C17orf99: variants seen among roughly 807,000 people sequenced by gnomAD.
C17orf99 encodes the protein chromosome 17 open reading frame 99.
In C17orf99, 18 loss-of-function variants were observed where a neutral mutation model predicts 22.6. The observed-to-expected ratio is 0.80, with a 90% confidence interval of 0.55 to 1.18. C17orf99 has a LOEUF of 1.18. C17orf99 is among the 50% of genes most tolerant of loss of function. C17orf99 has a pLI of 0.00. For missense variants in C17orf99, 328 were observed against 342.7 expected, an observed-to-expected ratio of 0.96 and a Z score of 0.34; for synonymous variants, 147 against 136.6, an observed-to-expected ratio of 1.08 and a Z score of -0.53.
rs72898212 is a variant in C17orf99, at chr17:78,161,190, G to A, written c.306G>A (p.Ala102=). 113,464 of 1,551,232 alleles carry A rather than the reference G, an allele frequency of 0.073. 6,502 individuals are homozygous for A. The highest frequency in any genetic ancestry group is 0.31 in the East Asian group (12,657 of 40,904). The part of the protein sequence containing the change: ...SPDLLTYFCW[A]SSTSGAHVDS... ...ACCTGCTCACCTACTTCTGCTGGGC[G>A]TCCTCCACCTCAGGTGCCCATGTGG... is the stretch of plus-strand genomic sequence containing the variant. The change falls in exon 3 of 5, where the codon GCG becomes GCA. Residue 102 remains alanine (A), a synonymous_variant. Coordinates refer to ENST00000340363, the MANE Select transcript of C17orf99 (RefSeq NM_001163075.2).
intron 2 of C17orf99, among the ~76,000 whole-genome samples, chr17:78,159,574 A>G (rs918958343): frequency 7.1e-6 from 1 of 141,482 alleles, no homozygotes; most frequent in Admixed American, 7.4e-5. Flanking sequence ...GGGAGGCGAC[A>G]GTGCAAGACT....
intron 2 of C17orf99, among the ~76,000 whole-genome samples, chr17:78,160,547 A>AAAAGAG (rs200813163): frequency 4.0e-4 from 57 of 143,544 alleles, no homozygotes; most frequent in South Asian, 2.3e-3. Context: ...AAAAAAAAAA[A>AAAAGAG]AGAGAGAGAG....
intron 2 of C17orf99, among the ~76,000 whole-genome samples, chr17:78,156,437 CA>C (rs2075526033): frequency 6.6e-6 from 1 of 151,374 alleles, no homozygotes; most frequent in African/African-American, 2.4e-5. Flanking sequence ...GATTTGCTTC[CA>C]AAACAGAGAA....
intron 2 of C17orf99, among the ~76,000 whole-genome samples, chr17:78,153,804 A>T (rs1017072465): frequency 6.6e-6 from 1 of 151,978 alleles, no homozygotes; most frequent in Non-Finnish European, 1.5e-5. Flanking sequence ...CAGCAGAGGC[A>T]TCTGCAAGAG....
chr17:78,157,625 C>A, intron 2 of C17orf99: 1 of 469,516 alleles, frequency 2.1e-6, no homozygotes, highest in Non-Finnish European at 3.7e-6. Context: ...GGTGAAACCC[C>A]GTCTCTACTA....
chr17:78,161,049 A>G lies in C17orf99; in HGVS notation c.165A>G (p.Pro55=), dbSNP rs955609489. The G allele has an allele frequency of 1.3e-5, 20 of 1,551,536 alleles. No individual in the cohort carries two copies. Among genetic ancestry groups the G allele is most frequent in the Non-Finnish European group, 1.7e-5 (19 of 1,146,968 alleles). Residue 55 remains proline, a synonymous_variant, in exon 3 of 5, where the codon CCA becomes CCG. Transcript: ENST00000340363. ...TAACCTGCTGTGCACCCCAGCCACCACCGCCCATCACCTATTCCCTCTGTG... is the reference window on the plus strand; with the variant it reads ...TAACCTGCTGTGCACCCCAGCCACCGCCGCCCATCACCTATTCCCTCTGTG... ...VLITCCAPQP[P]PPITYSLCGT...
intron 2 of C17orf99, among the ~76,000 whole-genome samples, chr17:78,150,557 G>A (rs969120740): frequency 6.6e-6 from 1 of 152,198 alleles, no homozygotes; most frequent in Admixed American, 6.5e-5. Flanking sequence ...CCAGAAGACA[G>A]AGTGGAATGT....
chr17:78,158,389 G>A (rs2075545589), intron 2 of C17orf99, among the ~76,000 whole-genome samples: 1 of 152,106 alleles, frequency 6.6e-6, no homozygotes, highest in Admixed American at 6.5e-5. Context: ...CCACCTCCCG[G>A]GCTCATGCCA....
chr17:78,158,875 C>T (rs2075550143), intron 2 of C17orf99: 1 of 162,056 alleles, frequency 6.2e-6, no homozygotes, highest in African/African-American at 2.4e-5. Flanking sequence ...GTGCCCTCCC[C>T]ACTCATCCCT....
intron 2 of C17orf99, among the ~76,000 whole-genome samples, chr17:78,160,263 C>T (rs34983589): frequency 0.15 from 22,105 of 152,066 alleles, 1,881 homozygotes; most frequent in East Asian, 0.21. Flanking sequence ...TGCAGCCGGG[C>T]GCGGTGGCTC....
chr17:78,147,840 C>T (rs2075448322), intron 2 of C17orf99, among the ~76,000 whole-genome samples: 1 of 152,188 alleles, frequency 6.6e-6, no homozygotes, highest in Non-Finnish European at 1.5e-5. Flanking sequence ...GCAGCTGGGG[C>T]TCCGGGAAGT....
At chr17:78,151,825 A>AACGG (rs1259463367) in intron 2 of C17orf99, among the ~76,000 whole-genome samples, 3 of 152,170 alleles carry the variant, frequency 2.0e-5, no homozygotes, top group Non-Finnish European at 2.9e-5. Flanking sequence ...TTCAACCCTT[A>AACGG]ACGGACGGCG....
chr17:78,162,049 G>A (rs1473811323), intron 3 of C17orf99, among the ~76,000 whole-genome samples: 2 of 152,056 alleles, frequency 1.3e-5, no homozygotes, highest in African/African-American at 2.4e-5. Context: ...GCCCAGGCGG[G>A]AGGATCACTT....
Position 78,146,957 on chromosome 17 carries a change from C to T in C17orf99, c.70+46C>T, listed in dbSNP as rs370001743. The stretch of plus-strand genomic sequence containing the variant: ...CAGGGAGAAGTCCCCCAGCTGGGAC[C>T]CTGGTGTCAGAACCCCCATGGTGGA... On this transcript the variant is annotated intron_variant, in intron 2 of 4. Transcript: ENST00000340363. This position sits in a 1 kb window ranked among gnomAD's most constrained non-coding sequence, Gnocchi z 5.2. The T allele has an allele frequency of 6.5e-7, 1 of 1,531,126 alleles. No individual in the cohort carries two copies. Among genetic ancestry groups the T allele is most frequent in the Admixed American group, 2.0e-5 (1 of 50,948 alleles). The allele number at this position is 1,531,126 out of a possible 1,614,324, so 94.8% of individuals were successfully genotyped here. A position where few individuals can be genotyped will look rare whatever the true frequency, so the allele number is the denominator to read the frequency against.
Position 78,161,218 on chromosome 17 carries a change from A to G in C17orf99, c.334A>G (p.Ser112Gly). 1 of 1,551,810 alleles carries G rather than the reference A, an allele frequency of 6.4e-7. No homozygotes were observed. The highest frequency in any genetic ancestry group is 8.7e-7 in the Non-Finnish European group (1 of 1,146,992). The part of the protein sequence containing the change: ...ASSTSGAHVD[S>G]ARLQMHWELW... Reference sequence around the variant, plus strand: ...CTCCACCTCAGGTGCCCATGTGGACAGTGCCAGGCTACAGATGCACTGGGA... The same window carrying G: ...CTCCACCTCAGGTGCCCATGTGGACGGTGCCAGGCTACAGATGCACTGGGA... The change falls in exon 3 of 5, where the codon AGT becomes GGT. Residue 112 changes from serine (S) to glycine (G), a missense_variant. Physicochemically the swap from Ser to Gly is moderately conservative, Grantham distance 56. Coordinates refer to ENST00000340363, the MANE Select transcript of C17orf99 (RefSeq NM_001163075.2).
chr17:78,160,104 A>G (rs186936148), intron 2 of C17orf99: 12 of 456,230 alleles, frequency 2.6e-5, no homozygotes, highest in Non-Finnish European at 4.4e-6. Flanking sequence ...GTTGAGTCAT[A>G]TGGTAAGTCT....
At chr17:78,150,940 T>C (rs980829243) in intron 2 of C17orf99, among the ~76,000 whole-genome samples, 4 of 151,780 alleles carry the variant, frequency 2.6e-5, no homozygotes, top group Non-Finnish European at 5.9e-5. Flanking sequence ...CTGGCCAACA[T>C]GGTGAAACCC....
chr17:78,148,083 G>A (rs763987406), intron 2 of C17orf99, among the ~76,000 whole-genome samples: 7 of 152,098 alleles, frequency 4.6e-5, no homozygotes, highest in African/African-American at 1.2e-4. Context: ...GGGTTGGGGG[G>A]ACAGATGATA....
chr17:78,161,843 A>C (rs949077688), intron 3 of C17orf99, among the ~76,000 whole-genome samples: 1 of 150,324 alleles, frequency 6.7e-6, no homozygotes, highest in Non-Finnish European at 1.5e-5. Context: ...CTCCAAAAAA[A>C]AAAAAAAGAA....
Sources: gnomAD v4.1 joint callset for allele counts (sites outside exome capture counted in the v4.1 genomes callset) on GRCh38, gnomAD v4.1.1 for gene constraint, Gnocchi (gnomAD v3.1) non-coding constraint, MANE v1.5 for transcripts, NCBI Gene and HGNC (gene_info 2026-07-23, HGNC 2026-07-21) for gene names.